Variants in SCTR observed in about 807,000 individuals in gnomAD.
SCTR encodes secretin receptor.
Under a neutral mutation model 60.8 loss-of-function variants are expected in SCTR, and 56 were observed. The ratio of observed to expected loss-of-function variants is 0.92; its 90% CI spans 0.74 to 1.15. The LOEUF is 1.15. Ranked by LOEUF, SCTR falls within the 50% of genes most tolerant of loss-of-function variation. The pLI is 0.00. For missense variants in SCTR, 562 were observed against 550.4 expected (o/e 1.02, Z -0.21); for synonymous variants, 202 against 217.0 (o/e 0.93, Z 0.61).
At chr2:119,448,808 T>C in intron 9 of SCTR, 28 bp from the exon 10 acceptor site, 2 of 1,304,758 alleles carry the variant, frequency 1.5e-6, no homozygotes, top group Non-Finnish European at 2.2e-6. Context: ...GAGGTGGGGC[T>C]GAAGGCATCT....
intron 1 of SCTR, among the ~76,000 whole-genome samples, chr2:119,518,778 G>A (rs4849782): frequency 0.014 from 2,154 of 152,288 alleles, 59 homozygotes; most frequent in East Asian, 0.07. Flanking sequence ...GGCTGTTCTG[G>A]TGGTGGAGCT....
At chr2:119,445,728 C>T (rs987679704) in intron 11 of SCTR, among the ~76,000 whole-genome samples, 1 of 152,166 alleles carries the variant, frequency 6.6e-6, no homozygotes. Flanking sequence ...TGGCTTCTCC[C>T]GGCCGTTAGT....
At chr2:119,516,661 T>A (rs892490328) in intron 1 of SCTR, among the ~76,000 whole-genome samples, 3 of 152,120 alleles carry the variant, frequency 2.0e-5, no homozygotes, top group Non-Finnish European at 4.4e-5. Flanking sequence ...AAGACTATAG[T>A]TAATAATACT....
chr2:119,446,687 T>C, intron 11 of SCTR, 72 bp downstream of exon 11: 12 of 1,342,638 alleles, frequency 8.9e-6, no homozygotes, highest in Non-Finnish European at 1.2e-5. Context: ...GCAGTCTCTA[T>C]GCCCTCCACT....
intron 7 of SCTR, among the ~76,000 whole-genome samples, chr2:119,454,007 G>T (rs1194681718): frequency 3.9e-5 from 6 of 152,070 alleles, no homozygotes; most frequent in Non-Finnish European, 8.8e-5. Flanking sequence ...CCTCTAAAAT[G>T]ATAATAAAGA....
chr2:119,494,962 T>G (rs1678289384), intron 1 of SCTR, among the ~76,000 whole-genome samples: 1 of 152,132 alleles, frequency 6.6e-6, no homozygotes, highest in Admixed American at 6.6e-5. Context: ...AGAGACAGGG[T>G]CGTTCTCTGT....
chr2:119,444,404 T>C (rs1192327471), intron 11 of SCTR, among the ~76,000 whole-genome samples: 2 of 145,066 alleles, frequency 1.4e-5, no homozygotes, highest in African/African-American at 2.5e-5. Flanking sequence ...CATATACGTA[T>C]GAATATATAT....
chr2:119,503,963 A>G (rs1182041268), intron 1 of SCTR, among the ~76,000 whole-genome samples: 2 of 152,214 alleles, frequency 1.3e-5, no homozygotes, highest in Non-Finnish European at 2.9e-5. Flanking sequence ...CAACAAAATT[A>G]ATTCTATTAA....
At chr2:119,517,461 A>G (rs1407874444) in intron 1 of SCTR, among the ~76,000 whole-genome samples, 2 of 152,186 alleles carry the variant, frequency 1.3e-5, no homozygotes, top group African/African-American at 4.8e-5. Flanking sequence ...TGCTTAGTCT[A>G]CAATTTTTAT....
intron 8 of SCTR, among the ~76,000 whole-genome samples, chr2:119,452,533 T>C (rs1029803672): frequency 4.6e-5 from 7 of 152,174 alleles, no homozygotes; most frequent in Non-Finnish European, 7.3e-5. Context: ...CAGCTTATTT[T>C]TGCCACAAGG....
chr2:119,479,842 C>T (rs1267317935), intron 2 of SCTR: 1 of 152,172 alleles, frequency 6.6e-6, no homozygotes, highest in African/African-American at 2.4e-5. Context: ...TGCTAGGAAG[C>T]TCAGAGCCAG....
intron 1 of SCTR, among the ~76,000 whole-genome samples, chr2:119,505,442 T>C (rs1031462593): frequency 1.6e-4 from 24 of 151,066 alleles, no homozygotes; most frequent in Admixed American, 6.6e-4. Context: ...CTGCACGTTG[T>C]GCACATGTAC....
chr2:119,461,803 C>T (rs1442965331), intron 7 of SCTR, 44 bp downstream of exon 7: 4 of 1,554,270 alleles, frequency 2.6e-6, no homozygotes, highest in Non-Finnish European at 3.5e-6. Context: ...CTCAGCACCC[C>T]TTCCCACATA....
At chr2:119,494,274 A>G (rs978816788) in intron 2 of SCTR, among the ~76,000 whole-genome samples, 154 bp downstream of exon 2, 10 of 151,908 alleles carry the variant, frequency 6.6e-5, no homozygotes, top group African/African-American at 2.4e-4. Context: ...CACCAGAACC[A>G]CTCCAGCCCT....
chr2:119,480,111 C>G (rs985524867), intron 2 of SCTR, among the ~76,000 whole-genome samples: 2 of 152,184 alleles, frequency 1.3e-5, no homozygotes, highest in South Asian at 4.1e-4. Context: ...CACTTCCCTC[C>G]CTGTGTATTC....
At chr2:119,523,918 C>T (rs904725942) in intron 1 of SCTR, among the ~76,000 whole-genome samples, 28 of 152,192 alleles carry the variant, frequency 1.8e-4, no homozygotes, top group African/African-American at 6.3e-4. Context: ...GTGGTGGGCA[C>T]AGGGATTCAT....
chr2:119,496,442 AT>A (rs1480599640), intron 1 of SCTR, among the ~76,000 whole-genome samples: 13 of 152,366 alleles, frequency 8.5e-5, no homozygotes, highest in African/African-American at 2.9e-4. Context: ...TATATATAAT[AT>A]AGAAAAAAAA....
At chr2:119,458,099 G>A (rs960467293) in intron 7 of SCTR, among the ~76,000 whole-genome samples, 1 of 150,900 alleles carries the variant, frequency 6.6e-6, no homozygotes, top group African/African-American at 2.4e-5. Flanking sequence ...TTCAAGACCA[G>A]CCTGGGCAAC....
chr2:119,520,497 C>A (rs1355649396), intron 1 of SCTR, among the ~76,000 whole-genome samples: 1 of 152,226 alleles, frequency 6.6e-6, no homozygotes, highest in Non-Finnish European at 1.5e-5. Flanking sequence ...ATTACCAGCT[C>A]TGCAGGCAAC....
Sources: gnomAD v4.1 joint callset for allele counts (sites outside exome capture counted in the v4.1 genomes callset) on GRCh38, gnomAD v4.1.1 for gene constraint, MANE v1.5 for transcripts, NCBI Gene and HGNC (gene_info 2026-07-23, HGNC 2026-07-21) for gene names.